The following ENPEP variants were observed in gnomAD, a reference collection of about 807,000 sequenced individuals.
ENPEP encodes the protein glutamyl aminopeptidase.
In ENPEP, 103 loss-of-function variants were observed where a neutral mutation model predicts 114.5. The observed-to-expected ratio is 0.90, with a 90% confidence interval of 0.77 to 1.06. The LOEUF is 1.06. Ranked by LOEUF, ENPEP falls within the 50% of genes least tolerant of loss-of-function variation. ENPEP has a pLI of 0.00. For missense variants in ENPEP, 1,196 were observed against 1,161.3 expected (o/e 1.03, Z -0.43); for synonymous variants, 420 against 422.0 (o/e 1.00, Z 0.06).
rs150932741 is a variant in ENPEP, at chr4:110,476,833, G to C, written c.419G>C (p.Arg140Thr). 7.4e-6 allele frequency: 12 copies of C among 1,614,032 alleles called. No homozygotes were observed. The South Asian group carries it at 1.1e-4, about 15-fold the overall frequency. ...CTGTGGCTGCACCTCCGGGAGACCA[G>C]GATCACCCGGCTCCCGGAGCTGAAG... ...RYLWLHLRET[R>T]ITRLPELKRP... The change falls in exon 1 of 20, where the codon AGG becomes ACG. Residue 140 changes from arginine (R) to threonine (T), a missense_variant. Transcript: ENST00000265162.
chr4:110,548,553 G>C (rs1455815118), intron 14 of ENPEP, among the ~76,000 whole-genome samples: 6 of 151,892 alleles, frequency 4.0e-5, no homozygotes, highest in African/African-American at 1.5e-4. Context: ...CCACTTAGGT[G>C]CATTTTAGTG....
chr4:110,501,849 T>C (rs1725168771), intron 3 of ENPEP, among the ~76,000 whole-genome samples: 1 of 152,252 alleles, frequency 6.6e-6, no homozygotes, highest in African/African-American at 2.4e-5. Context: ...TTTAGTTCTT[T>C]GAGAAATTGC....
chr4:110,531,947 A>G (rs1156680041), intron 11 of ENPEP, among the ~76,000 whole-genome samples: 1 of 152,152 alleles, frequency 6.6e-6, no homozygotes, highest in Non-Finnish European at 1.5e-5. Flanking sequence ...CTTGATTTAG[A>G]ATAGTATTTG....
intron 4 of ENPEP, among the ~76,000 whole-genome samples, chr4:110,508,266 G>T: frequency 1.3e-5 from 1 of 78,602 alleles, no homozygotes; most frequent in East Asian, 3.9e-4. Context: ...TGCCAGTACT[G>T]ACCAAAAAAA....
rs748653302 is a variant in ENPEP, at chr4:110,476,918, C to G, written c.504C>G (p.Tyr168Ter). ...GTTTCGAGTACAAAAAGCAGGAGTA[C>G]GTGGTGGTCGAGGCGGAGGAAGAGC... Reference protein sequence around the residue: ...RRCFEYKKQEYVVVEAEEELT... With the variant: ...RRCFEYKKQE Residue 168 changes from tyrosine (Y) to a stop codon, truncating the protein, a stop_gained, in exon 1 of 20, where the codon TAC (tyrosine) becomes TAG (stop). Transcript: ENST00000265162. LOFTEE classifies it high-confidence loss of function. 6.2e-7 allele frequency: 1 copy of G among 1,614,000 alleles called. No individual in the cohort carries two copies. Among genetic ancestry groups the G allele is most frequent in the African/African-American group, 1.3e-5 (1 of 74,882 alleles).
rs548887957 is a variant in ENPEP at position 110,550,030 on chromosome 4, C to T, written c.2501+144C>T. ...ATTTTCCCTGCAAGAAACAAAATAT[C>T]CATGTAAGACTGGCCTAAACAATAA... On this transcript the variant is annotated intron_variant, in intron 17 of 19. Coordinates refer to ENST00000265162, the MANE Select transcript of ENPEP (RefSeq NM_001977.4). 1,206 of 765,080 alleles carry T rather than the reference C, an allele frequency of 1.6e-3. 1 individual carries two copies. The highest frequency in any genetic ancestry group is 3.1e-3 in the Admixed American group (105 of 33,536). 47.4% of individuals were successfully genotyped at this position (765,080 alleles called of 1,614,324 possible). A position where few individuals can be genotyped will look rare whatever the true frequency, so the allele number is the denominator to read the frequency against.
chr4:110,533,167 C>G, intron 11 of ENPEP: 1 of 402,238 alleles, frequency 2.5e-6, no homozygotes, highest in Non-Finnish European at 5.0e-6. Context: ...TTCATCTACC[C>G]TAGTACAATT....
intron 3 of ENPEP, among the ~76,000 whole-genome samples, chr4:110,491,996 C>T (rs1445490543): frequency 6.6e-6 from 1 of 152,130 alleles, no homozygotes; most frequent in Non-Finnish European, 1.5e-5. Flanking sequence ...GCTGGGATTA[C>T]AGGCATGAGC....
chr4:110,520,059 G>C lies in ENPEP; in HGVS notation c.1561G>C (p.Ala521Pro), dbSNP rs1725926100. The change falls in exon 9 of 20, where the codon GCA becomes CCA. Residue 521 changes from alanine (A) to proline (P), a missense_variant. Physicochemically the swap from Ala to Pro is conservative, Grantham distance 27. Transcript: ENST00000265162. ...FKNAKTSDFW[A>P]ALEEASRLPV... ...GAATGCAAAAACTTCTGATTTTTGG[G>C]CAGCACTGGAAGAGGTAAGGAAGAG... 1 of 1,613,810 alleles carries C rather than the reference G, an allele frequency of 6.2e-7. No individual in the cohort carries two copies. Among genetic ancestry groups the C allele is most frequent in the Non-Finnish European group, 8.5e-7 (1 of 1,179,884 alleles).
At chr4:110,546,489 T>G (rs1013383174) in intron 13 of ENPEP, among the ~76,000 whole-genome samples, 1 of 151,784 alleles carries the variant, frequency 6.6e-6, no homozygotes, top group Non-Finnish European at 1.5e-5. Flanking sequence ...CAGGAGTCAC[T>G]AGGTAAGGGA....
At chr4:110,560,830 G>A (rs369341067) in intron 19 of ENPEP, among the ~76,000 whole-genome samples, 4 of 152,186 alleles carry the variant, frequency 2.6e-5, no homozygotes, top group Non-Finnish European at 5.9e-5. Flanking sequence ...CAATATCTGT[G>A]TGTTAGATAT....
chr4:110,528,391 T>C (rs1726278689), intron 10 of ENPEP, among the ~76,000 whole-genome samples: 1 of 152,184 alleles, frequency 6.6e-6, no homozygotes, highest in Non-Finnish European at 1.5e-5. Flanking sequence ...CATGCACCCA[T>C]AAAGGAATTA....
In ENPEP at chr4:110,536,014, G is replaced by A. The variant is rs933401354; in HGVS notation, c.1807+4737G>A. On this transcript the variant is annotated intron_variant, in intron 11 of 19. Coordinates refer to ENST00000265162, the MANE Select transcript of ENPEP (RefSeq NM_001977.4). ...GCCAGCTACTCGGGAGGCTGAAGCA[G>A]GAGAATTGCTTGAACCCGGGAGGCG... 5.3e-5 allele frequency among the ~76,000 whole-genome samples: 8 copies of A among 150,404 alleles called. No homozygotes were observed. In the East Asian group the frequency reaches 1.4e-3, roughly 26 times the overall value.
intron 11 of ENPEP, among the ~76,000 whole-genome samples, chr4:110,537,896 C>T (rs1319872452): frequency 1.3e-5 from 2 of 152,192 alleles, no homozygotes; most frequent in African/African-American, 4.8e-5. Flanking sequence ...GGCACACTGT[C>T]AATAAGCAGT....
chr4:110,537,490 G>T (rs561522521), intron 11 of ENPEP, among the ~76,000 whole-genome samples: 11 of 152,230 alleles, frequency 7.2e-5, no homozygotes, highest in African/African-American at 2.6e-4. Context: ...CATCTTCAGG[G>T]TTCACTTCTA....
chr4:110,554,544 T>C (rs1377794840), intron 18 of ENPEP, among the ~76,000 whole-genome samples: 1 of 151,066 alleles, frequency 6.6e-6, no homozygotes, highest in East Asian at 1.9e-4. Context: ...TGCATGTGAG[T>C]GTGTGTGTGT....
intron 10 of ENPEP, among the ~76,000 whole-genome samples, chr4:110,520,997 A>C (rs1725966508): frequency 6.6e-6 from 1 of 152,188 alleles, no homozygotes; most frequent in Non-Finnish European, 1.5e-5. Context: ...AAAACAGTAG[A>C]GGAGAGCTAA....
intron 1 of ENPEP, among the ~76,000 whole-genome samples, chr4:110,484,772 A>T (rs1724442306): frequency 6.8e-6 from 1 of 146,266 alleles, no homozygotes; most frequent in Admixed American, 6.9e-5. Flanking sequence ...ATATTATATT[A>T]TATATATATA....
intron 1 of ENPEP, among the ~76,000 whole-genome samples, chr4:110,478,861 CA>C (rs1367429515): frequency 6.6e-6 from 1 of 152,136 alleles, no homozygotes; most frequent in African/African-American, 2.4e-5. Flanking sequence ...AACAAATCAT[CA>C]AATAACATAC....
Sources: gnomAD v4.1 joint callset for allele counts (sites outside exome capture counted in the v4.1 genomes callset) on GRCh38, gnomAD v4.1.1 for gene constraint, MANE v1.5 for transcripts, NCBI Gene and HGNC (gene_info 2026-07-23, HGNC 2026-07-21) for gene names.